EIF3H: variants seen among roughly 807,000 people sequenced by gnomAD.
EIF3H encodes eIF-3-gamma.
In EIF3H, 26 loss-of-function variants were observed where a neutral mutation model predicts 44.2. That is an observed-to-expected ratio of 0.59 (90% CI 0.43 to 0.82). The LOEUF (loss-of-function observed/expected upper bound fraction) is 0.82, where lower values mean the gene tolerates loss of function less well. Ranked by LOEUF, EIF3H falls within the 40% of genes least tolerant of loss-of-function variation. The pLI is 0.00. For missense variants in EIF3H, 359 were observed against 432.8 expected, an observed-to-expected ratio of 0.83 and a Z score of 1.51; for synonymous variants, 166 against 151.9, an observed-to-expected ratio of 1.09 and a Z score of -0.68.
rs148895828 is a variant in EIF3H, at chr8:116,699,529, A to G, written c.289+26487T>C. Among the ~76,000 whole-genome samples the G allele has an allele frequency of 2.5e-4, 38 of 152,276 alleles. 1 individual carries two copies. The East Asian group carries it at 7.4e-3, about 29-fold the overall frequency. ...CTTATGGACATAAAGATGAGAATAG[A>G]AGACACTAGGAACTACTAGAGTGGG... On this transcript the variant is annotated intron_variant, in intron 2 of 7. Transcript: ENST00000521861.
At chr8:116,682,777 TAC>T (rs1465337640) in intron 2 of EIF3H, among the ~76,000 whole-genome samples, 1 of 152,222 alleles carries the variant, frequency 6.6e-6, no homozygotes, top group African/African-American at 2.4e-5. Context: ...AATTGCCTGT[TAC>T]TTCTATTCAA....
Position 116,714,538 on chromosome 8 carries a change from A to AT in EIF3H, c.289+11477dup, listed in dbSNP as rs766309712. 4.0e-5 allele frequency among the ~76,000 whole-genome samples: 6 copies of AT among 151,332 alleles called. No homozygotes were observed. The East Asian group carries it at 5.8e-4, about 15-fold the overall frequency. The stretch of plus-strand genomic sequence containing the variant: ...TGCTGAAGTGAATTACAGTGGACTA[A>AT]TTTTTTTTTCTGGATATTTGAAACA... On this transcript the variant is annotated intron_variant, in intron 2 of 7. Coordinates refer to ENST00000521861, the MANE Select transcript of EIF3H (RefSeq NM_003756.3).
chr8:116,750,290 A>G (rs200740856), intron 1 of EIF3H, among the ~76,000 whole-genome samples: 1 of 12,408 alleles, frequency 8.1e-5, no homozygotes, highest in Non-Finnish European at 2.2e-4. Context: ...TTTTTATTCA[A>G]TATGTGATGA....
At chr8:116,741,428 A>G (rs952072303) in intron 1 of EIF3H, among the ~76,000 whole-genome samples, 1 of 152,256 alleles carries the variant, frequency 6.6e-6, no homozygotes, top group African/African-American at 2.4e-5. Flanking sequence ...AAAGAGTTCA[A>G]TTAAATTTAC....
intron 1 of EIF3H, among the ~76,000 whole-genome samples, chr8:116,761,711 T>C (rs1156936521): frequency 6.6e-6 from 1 of 152,240 alleles, no homozygotes; most frequent in Non-Finnish European, 1.5e-5. Flanking sequence ...TCCTGTTTAC[T>C]GTCTAGTTTA....
intron 1 of EIF3H, among the ~76,000 whole-genome samples, chr8:116,726,941 T>C (rs541314208): frequency 1.3e-5 from 2 of 152,324 alleles, no homozygotes; most frequent in Admixed American, 1.3e-4. Flanking sequence ...GCCTGGCACA[T>C]ATTAATAATA....
At chr8:116,734,420 C>T in intron 1 of EIF3H, 1 of 455,188 alleles carries the variant, frequency 2.2e-6, no homozygotes, top group Admixed American at 2.4e-5. Context: ...CTAATATTTA[C>T]ATTTCATAAA....
chr8:116,688,807 G>A (rs571904403), intron 2 of EIF3H, among the ~76,000 whole-genome samples: 9 of 152,202 alleles, frequency 5.9e-5, no homozygotes, highest in Non-Finnish European at 1.2e-4. Context: ...AATAGAATAC[G>A]AGAAGTAATA....
chr8:116,746,987 T>C lies in EIF3H; in HGVS notation c.132+8679A>G, dbSNP rs527650263. Among the ~76,000 whole-genome samples, 59 of 152,336 alleles carry C rather than the reference T, an allele frequency of 3.9e-4. 1 individual carries two copies. In the South Asian group the frequency reaches 0.012, roughly 31 times the overall value. On this transcript the variant is annotated intron_variant, in intron 1 of 7. Transcript: ENST00000521861. ...AAAGTTCAACAACAGGGGACATTTA[T>C]TATAGAAATAACAGACTACCCGAAG... is the stretch of plus-strand genomic sequence containing the variant.
rs550459774 is a variant in EIF3H at position 116,744,386 on chromosome 8, A to C, written c.132+11280T>G. 5.9e-5 allele frequency among the ~76,000 whole-genome samples: 9 copies of C among 152,330 alleles called. No individual in the cohort carries two copies. The South Asian group carries it at 1.7e-3, about 28-fold the overall frequency. On this transcript the variant is annotated intron_variant, in intron 1 of 7. Coordinates refer to ENST00000521861, the MANE Select transcript of EIF3H (RefSeq NM_003756.3). Reference sequence around the variant, plus strand: ...AAGGATTAAAAATATATATATTTTGACTAAGTTAATACTGAGTTATCACTG... The same window carrying C: ...AAGGATTAAAAATATATATATTTTGCCTAAGTTAATACTGAGTTATCACTG...
intron 2 of EIF3H, among the ~76,000 whole-genome samples, chr8:116,706,942 C>T (rs1268607300): frequency 6.6e-6 from 1 of 152,146 alleles, no homozygotes; most frequent in Non-Finnish European, 1.5e-5. Flanking sequence ...ACAGGCTAAG[C>T]TATGACGTTT....
intron 2 of EIF3H, among the ~76,000 whole-genome samples, chr8:116,700,339 G>A (rs1814352529): frequency 6.6e-6 from 1 of 152,054 alleles, no homozygotes; most frequent in South Asian, 2.1e-4. Flanking sequence ...CTGCGGCCCA[G>A]GACAGCTTTG....
At chr8:116,660,793 TACCAGAC>T (rs912127340) in intron 2 of EIF3H, among the ~76,000 whole-genome samples, 4 of 152,152 alleles carry the variant, frequency 2.6e-5, no homozygotes, top group South Asian at 4.1e-4. Context: ...AGACACCAGA[TACCAGAC>T]ACCAGACACT....
At chr8:116,735,568 G>C (rs189001879) in intron 1 of EIF3H, among the ~76,000 whole-genome samples, 129 of 152,240 alleles carry the variant, frequency 8.5e-4, no homozygotes, top group Non-Finnish European at 1.4e-3. Flanking sequence ...TATCCAAAAT[G>C]CTTGGGACGA....
chr8:116,760,675 C>T (rs1040056845), upstream of EIF3H, among the ~76,000 whole-genome samples: 1 of 151,980 alleles, frequency 6.6e-6, no homozygotes, highest in Non-Finnish European at 1.5e-5. Context: ...GTAATTAATA[C>T]TTCATATTGG....
chr8:116,679,775 C>T (rs1253003864), intron 2 of EIF3H, among the ~76,000 whole-genome samples: 1 of 13,888 alleles, frequency 7.2e-5, no homozygotes, highest in Non-Finnish European at 1.9e-4. Context: ...GGGTCAGCCC[C>T]CCGCCCGGCC....
At chr8:116,697,914 A>G (rs1472794060) in intron 2 of EIF3H, among the ~76,000 whole-genome samples, 1 of 152,246 alleles carries the variant, frequency 6.6e-6, no homozygotes, top group East Asian at 1.9e-4. Context: ...TAATAATTGT[A>G]CCAAGACTTT....
At chr8:116,695,700 G>C (rs1387693820) in intron 2 of EIF3H, among the ~76,000 whole-genome samples, 1 of 152,186 alleles carries the variant, frequency 6.6e-6, no homozygotes, top group Non-Finnish European at 1.5e-5. Flanking sequence ...CATGAGGCCT[G>C]GCATGGGTCT....
intron 2 of EIF3H, among the ~76,000 whole-genome samples, chr8:116,666,292 T>C (rs1465328355): frequency 6.6e-6 from 1 of 152,160 alleles, no homozygotes; most frequent in Non-Finnish European, 1.5e-5. Context: ...GCAGGCATTG[T>C]CGCCCTATTT....
Sources: gnomAD v4.1 joint callset for allele counts (sites outside exome capture counted in the v4.1 genomes callset) on GRCh38, gnomAD v4.1.1 for gene constraint, MANE v1.5 for transcripts, NCBI Gene and HGNC (gene_info 2026-07-23, HGNC 2026-07-21) for gene names.